Variants in CACNA2D3 observed in about 807,000 individuals in gnomAD.
CACNA2D3 encodes the protein calcium voltage-gated channel auxiliary subunit alpha2delta 3.
Under a neutral mutation model 160.6 loss-of-function variants are expected in CACNA2D3, and 60 were observed. The observed-to-expected ratio is 0.37, with a 90% CI of 0.30 to 0.46. The LOEUF (loss-of-function observed/expected upper bound fraction) is 0.46. Among genes scored for constraint, CACNA2D3 ranks in the 20% least tolerant of loss-of-function variants. The pLI is 1.00. For missense variants in CACNA2D3, 1,205 were observed against 1,365.0 expected (o/e 0.88, Z 1.85); for synonymous variants, 558 against 492.9 (o/e 1.13, Z -1.75).
chr3:54,294,350 G>C (rs1355550777), intron 2 of CACNA2D3, among the ~76,000 whole-genome samples: 1 of 152,136 alleles, frequency 6.6e-6, no homozygotes, highest in Non-Finnish European at 1.5e-5. Context: ...GTTTTTCGAG[G>C]GAACAGGTTC....
Position 54,431,428 on chromosome 3 carries a change from T to C in CACNA2D3, c.381+44654T>C, listed in dbSNP as rs145141119. Among the ~76,000 whole-genome samples the C allele has an allele frequency of 6.7e-3, 1,015 of 152,234 alleles. 12 individuals are homozygous for C. Among genetic ancestry groups the C allele is most frequent in the African/African-American group, 0.023 (970 of 41,534 alleles). On this transcript the variant is annotated intron_variant, in intron 4 of 37. Transcript: ENST00000474759. Reference sequence around the variant, plus strand: ...AGTGGATCAATCATAAAGGTTTTCATCCTCATTGTCTTCACATTGAGTAGG... The same window carrying C: ...AGTGGATCAATCATAAAGGTTTTCACCCTCATTGTCTTCACATTGAGTAGG...
chr3:54,891,615 A>G (rs1274393493), intron 25 of CACNA2D3, among the ~76,000 whole-genome samples, 165 bp downstream of exon 25: 1 of 152,182 alleles, frequency 6.6e-6, no homozygotes, highest in Admixed American at 6.5e-5. Context: ...GGGCCCCAGC[A>G]TGTGCTTTCA....
chr3:54,703,746 A>AC (rs1700808468), intron 11 of CACNA2D3, among the ~76,000 whole-genome samples: 1 of 152,166 alleles, frequency 6.6e-6, no homozygotes, highest in African/African-American at 2.4e-5. Context: ...CATGAGTGTC[A>AC]CCCAAGCGCC....
Position 54,255,798 on chromosome 3 carries a change from C to G in CACNA2D3, c.205-64644C>G, listed in dbSNP as rs529735206. Among the ~76,000 whole-genome samples the G allele has an allele frequency of 2.6e-5, 4 of 152,252 alleles. No homozygotes were observed. The South Asian group carries it at 8.3e-4, about 32-fold the overall frequency. On this transcript the variant is annotated intron_variant, in intron 2 of 37. Transcript: ENST00000474759. ...TCTTCTTTACCTCTACTGCCACGTA[C>G]TCTGGGAATCTCTCAAATCATCTCA... is the stretch of plus-strand genomic sequence containing the variant.
chr3:54,808,271 A>T (rs1003825392), intron 13 of CACNA2D3, among the ~76,000 whole-genome samples: 1 of 152,200 alleles, frequency 6.6e-6, no homozygotes, highest in Non-Finnish European at 1.5e-5. Flanking sequence ...CCAATAGCTT[A>T]TACTGAGCTG....
rs920560084 is a variant in CACNA2D3, at chr3:54,338,554, G to A, written c.321+17996G>A. 9.3e-5 allele frequency among the ~76,000 whole-genome samples: 14 copies of A among 150,910 alleles called. No homozygotes were observed. The East Asian group carries it at 2.7e-3, about 30-fold the overall frequency. ...ATGGGCTAGGAGAAGATGAGCCAGA[G>A]AATGACACCTGTCTTCAGCAATCAG... is the stretch of plus-strand genomic sequence containing the variant. On this transcript the variant is annotated intron_variant, in intron 3 of 37. Transcript: ENST00000474759.
intron 11 of CACNA2D3, among the ~76,000 whole-genome samples, chr3:54,736,563 C>T (rs1415862884): frequency 6.6e-6 from 1 of 152,166 alleles, no homozygotes; most frequent in Non-Finnish European, 1.5e-5. Context: ...TCCCAATACC[C>T]TTGTTGTTAA....
chr3:54,504,841 T>C (rs1701344360), intron 5 of CACNA2D3, among the ~76,000 whole-genome samples: 1 of 152,182 alleles, frequency 6.6e-6, no homozygotes, highest in Non-Finnish European at 1.5e-5. Context: ...ATAGGGATAA[T>C]GATGCTGCCT....
chr3:54,649,905 G>A (rs929524146), intron 11 of CACNA2D3, among the ~76,000 whole-genome samples: 1 of 152,202 alleles, frequency 6.6e-6, no homozygotes, highest in African/African-American at 2.4e-5. Context: ...ACTTTAGGGA[G>A]TGAGGATTTG....
chr3:54,837,057 A>G, intron 14 of CACNA2D3, 102 bp from the exon 15 acceptor site: 1 of 977,176 alleles, frequency 1.0e-6, no homozygotes, highest in South Asian at 1.3e-5. Flanking sequence ...GTTCCATCTC[A>G]ACAGCCCCTG....
chr3:54,241,648 G>A, intron 2 of CACNA2D3, among the ~76,000 whole-genome samples: 1 of 152,208 alleles, frequency 6.6e-6, no homozygotes, highest in African/African-American at 2.4e-5. Flanking sequence ...TGGTCACATG[G>A]ATGTGGGAAG....
intron 3 of CACNA2D3, among the ~76,000 whole-genome samples, chr3:54,334,585 T>A (rs1050507960): frequency 6.6e-6 from 1 of 152,186 alleles, no homozygotes; most frequent in African/African-American, 2.4e-5. Flanking sequence ...CGTGTTCTCA[T>A]GTGGCAGGGA....
intron 16 of CACNA2D3, among the ~76,000 whole-genome samples, chr3:54,845,046 C>T (rs549688735): frequency 2.3e-4 from 35 of 152,144 alleles, no homozygotes; most frequent in Non-Finnish European, 3.4e-4. Context: ...ATGAAAGAGA[C>T]GATATACATC....
At chr3:54,997,945 G>A (rs1472604046) in intron 31 of CACNA2D3, among the ~76,000 whole-genome samples, 1 of 152,088 alleles carries the variant, frequency 6.6e-6, no homozygotes, top group African/African-American at 2.4e-5. Context: ...TGTTTGGGAA[G>A]CAGTTTAAGT....
At chr3:54,969,317 T>G (rs1702221742) in intron 28 of CACNA2D3, among the ~76,000 whole-genome samples, 1 of 147,358 alleles carries the variant, frequency 6.8e-6, no homozygotes. Flanking sequence ...TGGAGTGCAG[T>G]GGTGCGATCT....
intron 8 of CACNA2D3, 113 bp downstream of exon 8, chr3:54,570,217 G>C: frequency 1.1e-5 from 12 of 1,101,798 alleles, no homozygotes; most frequent in Non-Finnish European, 1.6e-5. Context: ...GCCAGAACAT[G>C]AGGCCTGGTT....
At chr3:54,393,974 T>C (rs1355671209) in intron 4 of CACNA2D3, among the ~76,000 whole-genome samples, 3 of 152,222 alleles carry the variant, frequency 2.0e-5, no homozygotes, top group African/African-American at 7.2e-5. Context: ...ACCTTGTTGC[T>C]GCTGCATGTG....
chr3:54,806,894 A>G (rs556843079), intron 13 of CACNA2D3, among the ~76,000 whole-genome samples: 2 of 152,344 alleles, frequency 1.3e-5, no homozygotes, highest in South Asian at 4.1e-4. Flanking sequence ...CTCAGAAATA[A>G]TGCTGCATAT....
At chr3:54,884,348 T>C (rs1470866564) in intron 21 of CACNA2D3, among the ~76,000 whole-genome samples, 1 of 152,238 alleles carries the variant, frequency 6.6e-6, no homozygotes, top group Non-Finnish European at 1.5e-5. Flanking sequence ...TCATATGCAA[T>C]GATGTTCATT....
Sources: gnomAD v4.1 joint callset for allele counts (sites outside exome capture counted in the v4.1 genomes callset) on GRCh38, gnomAD v4.1.1 for gene constraint, MANE v1.5 for transcripts, NCBI Gene and HGNC (gene_info 2026-07-23, HGNC 2026-07-21) for gene names.